The following TTLL11 variants were observed in gnomAD, a reference collection of about 807,000 sequenced individuals.
TTLL11 encodes tubulin polyglutamylase TTLL11.
TTLL11 carries 42 observed loss-of-function variants against 51.7 expected under a neutral mutation model. The ratio of observed to expected loss-of-function variants is 0.81; its 90% CI spans 0.64 to 1.05. The LOEUF (loss-of-function observed/expected upper bound fraction) is 1.05, where lower values mean the gene tolerates loss of function less well. TTLL11 is among the 50% of genes least tolerant of loss of function. The probability of loss-of-function intolerance (pLI) is 0.00; values close to 1 mark genes in which losing one functional copy is unlikely to be tolerated. For missense variants in TTLL11, 799 were observed against 940.4 expected, an observed-to-expected ratio of 0.85 and a Z score of 1.97; for synonymous variants, 381 against 383.5, an observed-to-expected ratio of 0.99 and a Z score of 0.08.
intron 3 of TTLL11, 89 bp downstream of exon 3, chr9:122,031,634 C>A (rs950916277): frequency 6.7e-7 from 1 of 1,491,904 alleles, no homozygotes; most frequent in African/African-American, 1.4e-5. Context: ...TCCCTGGGAC[C>A]CCCTGTCCCA....
chr9:121,863,850 C>T (rs895414493), intron 7 of TTLL11, among the ~76,000 whole-genome samples: 4 of 152,180 alleles, frequency 2.6e-5, no homozygotes, highest in Non-Finnish European at 4.4e-5. Context: ...GTCACACAGC[C>T]GGAATTCACA....
chr9:121,922,848 CAGAT>C (rs1413415487), intron 6 of TTLL11, among the ~76,000 whole-genome samples: 4 of 151,522 alleles, frequency 2.6e-5, no homozygotes, highest in Non-Finnish European at 4.4e-5. Flanking sequence ...GGGATATAAA[CAGAT>C]AATTTCCCAG....
At chr9:121,915,726 C>G (rs960563191) in intron 6 of TTLL11, among the ~76,000 whole-genome samples, 1 of 151,922 alleles carries the variant, frequency 6.6e-6, no homozygotes, top group African/African-American at 2.4e-5. Context: ...TTAAAAGGAT[C>G]CTTACAGAGA....
rs1481101546 is a variant in TTLL11 at position 121,870,508 on chromosome 9, A to G, written c.1722T>C (p.Arg574=). 10 of 1,551,486 alleles carry G rather than the reference A, an allele frequency of 6.4e-6. No individual in the cohort carries two copies. The highest frequency in any genetic ancestry group is 8.7e-6 in the Non-Finnish European group (10 of 1,146,970). ...CTGTTCTCACTGACCTTATGAAGGTACGAAAGCCTGTTGGCCCCAACTTCA... is the reference window on the plus strand; with the variant it reads ...CTGTTCTCACTGACCTTATGAAGGTGCGAAAGCCTGTTGGCCCCAACTTCA... ...GTMKLGPTGF[R]TFIRSCKLSS... is the part of the protein sequence containing the mutation. The change falls in exon 7 of 9, where the codon CGT becomes CGC. Residue 574 remains arginine (R), a synonymous_variant. Transcript: ENST00000321582.
rs568868645 is a variant in TTLL11, at chr9:121,927,894, C to T, written c.1481+46115G>A. On this transcript the variant is annotated intron_variant, in intron 6 of 8. Transcript: ENST00000321582. ...AAACCTAGTCATGAAGGATCTTGTACATCACATGTTATTTGGTTTGGATCT... is the reference window on the plus strand; with the variant it reads ...AAACCTAGTCATGAAGGATCTTGTATATCACATGTTATTTGGTTTGGATCT... 2.0e-5 allele frequency among the ~76,000 whole-genome samples: 3 copies of T among 152,268 alleles called. No homozygotes were observed. The South Asian group carries it at 6.2e-4, about 32-fold the overall frequency.
intron 6 of TTLL11, among the ~76,000 whole-genome samples, chr9:121,907,450 CAAA>C (rs5900502): frequency 1.7e-5 from 2 of 118,580 alleles, no homozygotes; most frequent in Admixed American, 8.5e-5. Flanking sequence ...AACTCTGTCT[CAAA>C]AAAAAAAAAA....
At chr9:121,878,300 T>C (rs985991676) in intron 6 of TTLL11, among the ~76,000 whole-genome samples, 3 of 152,184 alleles carry the variant, frequency 2.0e-5, no homozygotes, top group African/African-American at 7.2e-5. Flanking sequence ...GGCTTGTAAC[T>C]GTCCTCAATG....
intron 8 of TTLL11, among the ~76,000 whole-genome samples, chr9:121,837,200 T>A (rs1837204453): frequency 1.1e-5 from 1 of 90,740 alleles, no homozygotes; most frequent in South Asian, 4.3e-4. Flanking sequence ...GCTTTTCTCC[T>A]GTTTTCTTCT....
At chr9:121,932,956 A>G (rs1444969710) in intron 6 of TTLL11, among the ~76,000 whole-genome samples, 2 of 152,192 alleles carry the variant, frequency 1.3e-5, no homozygotes, top group Non-Finnish European at 2.9e-5. Flanking sequence ...ATTACATCCG[A>G]GCCTGTAAAG....
At chr9:121,937,104 A>G (rs576366563) in intron 6 of TTLL11, among the ~76,000 whole-genome samples, 47 of 152,294 alleles carry the variant, frequency 3.1e-4, no homozygotes, top group African/African-American at 1.1e-3. Flanking sequence ...AAAACCCAAC[A>G]TTTTTACAAC....
intron 6 of TTLL11, among the ~76,000 whole-genome samples, chr9:121,930,272 A>C (rs1010633117): frequency 3.3e-5 from 5 of 152,200 alleles, no homozygotes; most frequent in Non-Finnish European, 7.3e-5. Context: ...TTATGGGGTA[A>C]AACATGCAGT....
chr9:121,966,116 C>T (rs944253892), intron 6 of TTLL11, among the ~76,000 whole-genome samples: 1 of 152,228 alleles, frequency 6.6e-6, no homozygotes, highest in Non-Finnish European at 1.5e-5. Context: ...ATTAGGACCA[C>T]AGCTGCTTGG....
intron 8 of TTLL11, among the ~76,000 whole-genome samples, chr9:121,839,468 T>C (rs962740598): frequency 6.6e-6 from 1 of 152,192 alleles, no homozygotes; most frequent in Non-Finnish European, 1.5e-5. Context: ...AGTTTCTTTC[T>C]ACCCTGCCCG....
chr9:121,996,117 C>T (rs145006095), intron 3 of TTLL11, among the ~76,000 whole-genome samples: 6 of 152,308 alleles, frequency 3.9e-5, no homozygotes, highest in Admixed American at 6.5e-5. Context: ...GGGGCTGACC[C>T]CCTGCATGCA....
At chr9:121,957,019 C>T (rs904696692) in intron 6 of TTLL11, among the ~76,000 whole-genome samples, 3 of 152,160 alleles carry the variant, frequency 2.0e-5, no homozygotes, top group Non-Finnish European at 4.4e-5. Flanking sequence ...CTGACTCAAA[C>T]CAGAATCTGA....
chr9:121,833,763 A>G (rs1837099301), intron 8 of TTLL11, among the ~76,000 whole-genome samples: 1 of 152,228 alleles, frequency 6.6e-6, no homozygotes, highest in Non-Finnish European at 1.5e-5. Context: ...CAGTTTACAG[A>G]GCACATTTGA....
At chr9:121,942,263 C>T (rs771302892) in intron 6 of TTLL11, among the ~76,000 whole-genome samples, 1 of 152,184 alleles carries the variant, frequency 6.6e-6, no homozygotes, top group Non-Finnish European at 1.5e-5. Flanking sequence ...GACAGATTTT[C>T]CCTCAGCTCC....
At chr9:121,942,023 T>C (rs990675744) in intron 6 of TTLL11, among the ~76,000 whole-genome samples, 9 of 152,152 alleles carry the variant, frequency 5.9e-5, no homozygotes, top group African/African-American at 2.2e-4. Flanking sequence ...AAGAATAACC[T>C]GCCCTTCTCC....
chr9:121,920,769 C>T (rs1840509122), intron 6 of TTLL11, among the ~76,000 whole-genome samples: 1 of 152,116 alleles, frequency 6.6e-6, no homozygotes, highest in African/African-American at 2.4e-5. Flanking sequence ...GAGTTTATAC[C>T]ACCAAATATG....
Sources: gnomAD v4.1 joint callset for allele counts (sites outside exome capture counted in the v4.1 genomes callset) on GRCh38, gnomAD v4.1.1 for gene constraint, MANE v1.5 for transcripts, NCBI Gene and HGNC (gene_info 2026-07-23, HGNC 2026-07-21) for gene names.